Variants in GFM1 observed in about 807,000 individuals in gnomAD.
The protein encoded by GFM1 is elongation factor G, mitochondrial.
Under a neutral mutation model 96.2 loss-of-function variants are expected in GFM1, and 62 were observed. The ratio of observed to expected loss-of-function variants is 0.64; its 90% CI spans 0.53 to 0.80. The LOEUF (loss-of-function observed/expected upper bound fraction) is 0.80. GFM1 is among the 30% of genes least tolerant of loss of function. The pLI, the probability that GFM1 is intolerant of heterozygous loss-of-function variation, is 0.00. For missense variants in GFM1, 852 were observed against 916.6 expected (o/e 0.93, Z 0.91); for synonymous variants, 282 against 312.9 (o/e 0.90, Z 1.04).
intron 13 of GFM1, among the ~76,000 whole-genome samples, chr3:158,673,468 T>G (rs544593368): frequency 6.6e-6 from 1 of 151,948 alleles, no homozygotes; most frequent in South Asian, 2.1e-4. Flanking sequence ...TTGGCCAAGG[T>G]CTTCGCTGCC....
rs1236809851 is a variant in GFM1 at position 158,694,057 on chromosome 3, A to G, written c.*2590A>G. ...GATGGGGTCTTCTAAGACAAAAACC[A>G]TCTGACTCAGCAATACCATTACTAT... On this transcript the variant is annotated 3_prime_UTR_variant, in exon 18 of 18. Coordinates refer to ENST00000486715, the MANE Select transcript of GFM1 (RefSeq NM_024996.7). Among the ~76,000 whole-genome samples, 1 of 152,058 alleles carries G rather than the reference A, an allele frequency of 6.6e-6. No homozygotes were observed. The highest frequency in any genetic ancestry group is 1.5e-5 in the Non-Finnish European group (1 of 67,996).
At chr3:158,677,455 T>G (rs1044521648) in intron 13 of GFM1, among the ~76,000 whole-genome samples, 1 of 152,194 alleles carries the variant, frequency 6.6e-6, no homozygotes, top group African/African-American at 2.4e-5. Context: ...TGATCAGTGG[T>G]CTCCTAAGAT....
chr3:158,660,790 G>A, intron 9 of GFM1, 84 bp from the exon 10 acceptor site: 1 of 1,080,658 alleles, frequency 9.3e-7, no homozygotes, highest in Non-Finnish European at 1.4e-6. Context: ...TATACAATGT[G>A]TGTACTGTAC....
At chr3:158,686,422 T>TAA (rs1433779312) in intron 15 of GFM1, among the ~76,000 whole-genome samples, 1 of 149,020 alleles carries the variant, frequency 6.7e-6, no homozygotes, top group East Asian at 1.9e-4. Context: ...TGTATATATA[T>TAA]AATATATCTT....
rs148985183 is a variant in GFM1 at position 158,673,789 on chromosome 3, C to A, written c.1601+7403C>A. On this transcript the variant is annotated intron_variant, in intron 13 of 17. Transcript: ENST00000486715. The stretch of plus-strand genomic sequence containing the variant: ...AAAGTGCTGGGATTACAGGCATAAG[C>A]CACCATGCCTGGCCAGGACCTTTAA... 9.7e-3 allele frequency among the ~76,000 whole-genome samples: 1,469 copies of A among 152,116 alleles called. 10 individuals carry two copies. The highest frequency in any genetic ancestry group is 0.014 in the Middle Eastern group (4 of 294).
chr3:158,645,477 C>G (rs1292529583), intron 1 of GFM1, 152 bp from the exon 2 acceptor site: 2 of 695,136 alleles, frequency 2.9e-6, no homozygotes, highest in African/African-American at 3.6e-5. Flanking sequence ...TACAAGAGTT[C>G]CAGGCTTAAA....
chr3:158,682,527 A>G, intron 14 of GFM1: 1 of 247,010 alleles, frequency 4.0e-6, no homozygotes, highest in Non-Finnish European at 8.1e-6. Context: ...CCTGGGTGCT[A>G]CTGTCTCATG....
chr3:158,677,725 A>G (rs905545162), intron 13 of GFM1, among the ~76,000 whole-genome samples: 1 of 152,086 alleles, frequency 6.6e-6, no homozygotes, highest in African/African-American at 2.4e-5. Flanking sequence ...GCTGGTCTCA[A>G]ACTCCTGACC....
chr3:158,644,561 C>A lies in GFM1; in HGVS notation c.-74C>A. The A allele has an allele frequency of 1.6e-6, 2 of 1,275,540 alleles. No individual in the cohort carries two copies. Among genetic ancestry groups the A allele is most frequent in the Non-Finnish European group, 2.2e-6 (2 of 900,102 alleles). 79.0% of individuals were successfully genotyped at this position (1,275,540 alleles called of 1,614,324 possible). A position where few individuals can be genotyped will look rare whatever the true frequency, so the allele number is the denominator to read the frequency against. The stretch of plus-strand genomic sequence containing the variant: ...ACATTGGCTGCCGGCGTGACTTTGA[C>A]CGCTTCCCGGTGCGTTACCGGCAGC... On this transcript the variant is annotated 5_prime_UTR_variant, in exon 1 of 18. Transcript: ENST00000486715.
intron 13 of GFM1, 109 bp downstream of exon 13, chr3:158,666,495 T>C (rs1171176845): frequency 8.8e-7 from 1 of 1,136,012 alleles, no homozygotes; most frequent in Non-Finnish European, 1.3e-6. Flanking sequence ...AGTGATACTT[T>C]GTATTATGGA....
At chr3:158,645,953 A>G (rs1032250874) in intron 2 of GFM1, 172 bp downstream of exon 2, 22 of 839,300 alleles carry the variant, frequency 2.6e-5, no homozygotes, top group Non-Finnish European at 3.6e-5. Context: ...TTCTGGTTTT[A>G]TTTTTATTTT....
At chr3:158,686,887 C>T (rs1350874098) in intron 15 of GFM1, among the ~76,000 whole-genome samples, 1 of 151,772 alleles carries the variant, frequency 6.6e-6, no homozygotes, top group African/African-American at 2.4e-5. Context: ...CATGCACCAC[C>T]ATGCCCAGCT....
chr3:158,676,669 G>C (rs1216428819), intron 13 of GFM1, among the ~76,000 whole-genome samples: 1 of 151,366 alleles, frequency 6.6e-6, no homozygotes, highest in African/African-American at 2.4e-5. Context: ...AACCCCATGT[G>C]GAACAAGTCT....
At chr3:158,653,277 C>T (rs1179381877) in intron 6 of GFM1, 33 bp from the exon 7 acceptor site, 9 of 1,565,184 alleles carry the variant, frequency 5.8e-6, no homozygotes, top group Non-Finnish European at 7.0e-6. Flanking sequence ...GTAATTTTAA[C>T]ATTAACTACC....
chr3:158,655,889 A>T (rs1243497098), intron 8 of GFM1: 1 of 457,248 alleles, frequency 2.2e-6, no homozygotes, highest in African/African-American at 2.0e-5. Flanking sequence ...TTTGATTGTC[A>T]TGTCTCCTTA....
At chr3:158,656,183 C>T (rs1286995822) in intron 8 of GFM1, 9 of 228,228 alleles carry the variant, frequency 3.9e-5, no homozygotes, top group South Asian at 1.1e-4. Flanking sequence ...GATGAGATTT[C>T]GCTCTTGTTG....
intron 1 of GFM1, chr3:158,644,980 G>GTTT (rs11405116): frequency 2.3e-4 from 49 of 214,774 alleles, no homozygotes; most frequent in South Asian, 5.1e-4. Context: ...CTTTTCTAAG[G>GTTT]TTTTTTTTTT....
At chr3:158,670,943 G>GAAAA (rs1724229042) in intron 13 of GFM1, 7 of 1,532,052 alleles carry the variant, frequency 4.6e-6, no homozygotes, top group Non-Finnish European at 4.4e-6. Context: ...AAAGAAAAAA[G>GAAAA]AAATTTAACT....
chr3:158,667,245 CTAAA>C, intron 13 of GFM1, among the ~76,000 whole-genome samples: 1 of 152,150 alleles, frequency 6.6e-6, no homozygotes, highest in South Asian at 2.1e-4. Context: ...TTCTCTTACA[CTAAA>C]TAAAGTGTTC....
Sources: gnomAD v4.1 joint callset for allele counts (sites outside exome capture counted in the v4.1 genomes callset) on GRCh38, gnomAD v4.1.1 for gene constraint, MANE v1.5 for transcripts, NCBI Gene and HGNC (gene_info 2026-07-23, HGNC 2026-07-21) for gene names.